IGFL2: variants seen among roughly 807,000 people sequenced by gnomAD.
IGFL2 encodes the protein IGF like family member 2.
A neutral mutation model predicts 13.9 loss-of-function variants in IGFL2; 7 were observed. That is an observed-to-expected ratio of 0.51 (90% CI 0.29 to 0.95). The LOEUF (loss-of-function observed/expected upper bound fraction) is 0.95. IGFL2 is among the 40% of genes least tolerant of loss of function. The pLI is 0.08. For synonymous variants in IGFL2, 55 were observed against 55.8 expected, an observed-to-expected ratio of 0.99 and a Z score of 0.07; for missense variants, 138 against 147.8, an observed-to-expected ratio of 0.93 and a Z score of 0.34.
At chr19:46,156,531 C>CA (rs975969814) in intron 1 of IGFL2, among the ~76,000 whole-genome samples, 32 of 152,232 alleles carry the variant, frequency 2.1e-4, no homozygotes, top group Admixed American at 1.9e-3. Context: ...CTAAGCAACA[C>CA]AACTCTAAAT....
the IGFL2 span, among the ~76,000 whole-genome samples, chr19:46,126,114 A>G: frequency 3.3e-5 from 5 of 151,382 alleles, no homozygotes; most frequent in East Asian, 5.8e-4. Flanking sequence ...CTAAGATGCA[A>G]TCTCATCACT....
the IGFL2 span, chr19:46,101,048 T>G: frequency 6.6e-6 from 1 of 152,426 alleles, no homozygotes; most frequent in South Asian, 2.1e-4. Context: ...CAGCTGGAGA[T>G]GTCACCCGAG....
chr19:46,079,060 A>C, the IGFL2 span, among the ~76,000 whole-genome samples: 9 of 104,784 alleles, frequency 8.6e-5, no homozygotes, highest in Non-Finnish European at 1.6e-4. Context: ...AGGCGTCGTC[A>C]GTAGACATCG....
the IGFL2 span, among the ~76,000 whole-genome samples, chr19:46,129,307 TTGTG>T: frequency 0.29 from 39,399 of 136,824 alleles, 5,601 homozygotes; most frequent in South Asian, 0.34. Context: ...TGTTGATCTT[TTGTG>T]TGTGTGTGTG....
intron 1 of IGFL2, among the ~76,000 whole-genome samples, chr19:46,152,960 G>A (rs1043815568): frequency 1.3e-5 from 2 of 152,142 alleles, no homozygotes; most frequent in Non-Finnish European, 2.9e-5. Flanking sequence ...CTAGTAAGGT[G>A]GTGTATTATA....
chr19:46,119,786 A>G, the IGFL2 span, among the ~76,000 whole-genome samples: 12 of 104,502 alleles, frequency 1.1e-4, no homozygotes, highest in South Asian at 2.0e-3. Context: ...ATTGCTCACC[A>G]GTGGGTGGGG....
At chr19:46,101,791 TG>T in the IGFL2 span, among the ~76,000 whole-genome samples, 3 of 152,230 alleles carry the variant, frequency 2.0e-5, no homozygotes, top group Non-Finnish European at 4.4e-5. Flanking sequence ...GCTCTGTGGT[TG>T]GGACCTAAGG....
At chr19:46,112,135 C>T in the IGFL2 span, 3 of 152,296 alleles carry the variant, frequency 2.0e-5, no homozygotes, top group South Asian at 6.2e-4. Flanking sequence ...GTGTCAGAAG[C>T]TCCCAGCTAA....
the IGFL2 span, among the ~76,000 whole-genome samples, chr19:46,127,359 G>C: frequency 6.6e-6 from 1 of 152,130 alleles, no homozygotes; most frequent in African/African-American, 2.4e-5. Flanking sequence ...TGCAAAGAAA[G>C]AAGAAGGAAG....
upstream of IGFL2, among the ~76,000 whole-genome samples, chr19:46,140,085 G>T (rs1248327458): frequency 6.6e-6 from 1 of 151,942 alleles, no homozygotes; most frequent in Non-Finnish European, 1.5e-5. Flanking sequence ...GAGTAGCTGG[G>T]ATTACAGGTG....
chr19:46,101,425 G>A, the IGFL2 span, among the ~76,000 whole-genome samples: 15 of 152,242 alleles, frequency 9.9e-5, no homozygotes, highest in Admixed American at 7.9e-4. Context: ...GGCTGGGGTA[G>A]CTGAAGTTCC....
the IGFL2 span, among the ~76,000 whole-genome samples, chr19:46,178,304 A>C: frequency 6.6e-6 from 1 of 152,152 alleles, no homozygotes; most frequent in Non-Finnish European, 1.5e-5. Context: ...AGAGATCGTA[A>C]GGCTAACACA....
At chr19:46,139,972 G>A (rs1199974298), upstream of IGFL2, among the ~76,000 whole-genome samples, 2 of 151,700 alleles carry the variant, frequency 1.3e-5, no homozygotes, top group African/African-American at 2.4e-5. Context: ...ATTTTGAGAC[G>A]GAGTTTCATT....
chr19:46,188,852 C>G, the IGFL2 span, among the ~76,000 whole-genome samples: 1 of 152,244 alleles, frequency 6.6e-6, no homozygotes, highest in Non-Finnish European at 1.5e-5. Flanking sequence ...ACAGAGCCCC[C>G]ATTCATCCTG....
chr19:46,167,284 A>G, the IGFL2 span, among the ~76,000 whole-genome samples: 1 of 152,226 alleles, frequency 6.6e-6, no homozygotes, highest in African/African-American at 2.4e-5. Flanking sequence ...CCACTATGAC[A>G]TAAAGACATA....
the IGFL2 span, among the ~76,000 whole-genome samples, chr19:46,107,578 G>A: frequency 6.6e-6 from 1 of 152,218 alleles, no homozygotes; most frequent in East Asian, 1.9e-4. Context: ...CAAAGTTCTT[G>A]TGTGCTAGAA....
At chr19:46,106,607 A>G in the IGFL2 span, among the ~76,000 whole-genome samples, 3 of 152,116 alleles carry the variant, frequency 2.0e-5, no homozygotes, top group African/African-American at 2.4e-5. Flanking sequence ...GTTTGGCACT[A>G]TGGGGTGGAT....
the IGFL2 span, among the ~76,000 whole-genome samples, chr19:46,135,345 G>C: frequency 6.6e-6 from 1 of 152,142 alleles, no homozygotes; most frequent in Non-Finnish European, 1.5e-5. Flanking sequence ...AACTGGGATA[G>C]TGCTTTGTGT....
At chr19:46,176,186 A>G in the IGFL2 span, among the ~76,000 whole-genome samples, 1 of 137,912 alleles carries the variant, frequency 7.3e-6, no homozygotes, top group Admixed American at 7.4e-5. Context: ...ATTAATGCCA[A>G]AAAAAAAAAA....
Sources: gnomAD v4.1 joint callset for allele counts (sites outside exome capture counted in the v4.1 genomes callset) on GRCh38, gnomAD v4.1.1 for gene constraint, MANE v1.5 for transcripts, NCBI Gene and HGNC (gene_info 2026-07-23, HGNC 2026-07-21) for gene names.